ASH1L: variants seen among roughly 807,000 people sequenced by gnomAD.
The protein encoded by ASH1L is histone-lysine N-methyltransferase ASH1L.
A neutral mutation model predicts 269.0 loss-of-function variants in ASH1L; 23 were observed. The ratio of observed to expected loss-of-function variants is 0.09; its 90% CI spans 0.06 to 0.12. ASH1L has a LOEUF of 0.12. Ranked by LOEUF, ASH1L falls within the 10% of genes least tolerant of loss-of-function variation. The pLI, the probability that ASH1L is intolerant of heterozygous loss-of-function variation, is 1.00. For missense variants in ASH1L, 2,912 were observed against 3,567.8 expected, an observed-to-expected ratio of 0.82 and a Z score of 4.68; for synonymous variants, 1,187 against 1,253.5, an observed-to-expected ratio of 0.95 and a Z score of 1.12.
chr1:155,401,510 G>A (rs1241904112), intron 6 of ASH1L, among the ~76,000 whole-genome samples: 3 of 151,056 alleles, frequency 2.0e-5, no homozygotes, highest in East Asian at 1.9e-4. Context: ...GGTAGGGCAC[G>A]GTGGCTCACG....
rs139725591 is a variant in ASH1L, at chr1:155,413,605, C to T, written c.6008+2139G>A. On this transcript the variant is annotated intron_variant, in intron 6 of 27. Coordinates refer to ENST00000392403, the MANE Select transcript of ASH1L (RefSeq NM_018489.3). ...CTGGGCAACAAGAGTGAAACTCCAT[C>T]GCAACAAACAAACAAACCAGAAAAC... Among the ~76,000 whole-genome samples, 286 of 152,144 alleles carry T rather than the reference C, an allele frequency of 1.9e-3. 2 individuals are homozygous for T. The Middle Eastern group carries it at 0.031, about 16-fold the overall frequency.
At chr1:155,514,896 CCAA>C (rs1668396124) in intron 2 of ASH1L, among the ~76,000 whole-genome samples, 1 of 152,040 alleles carries the variant, frequency 6.6e-6, no homozygotes, top group Non-Finnish European at 1.5e-5. Flanking sequence ...ATTTTACACA[CCAA>C]CAAGGAAAAA....
chr1:155,510,818 T>A (rs1250424509), intron 2 of ASH1L, among the ~76,000 whole-genome samples: 3 of 152,144 alleles, frequency 2.0e-5, no homozygotes, highest in Non-Finnish European at 4.4e-5. Context: ...AATTAAGTCT[T>A]GTTTTTTAAC....
intron 6 of ASH1L, among the ~76,000 whole-genome samples, chr1:155,407,473 G>A (rs2148515491): frequency 6.6e-6 from 1 of 152,142 alleles, no homozygotes; most frequent in East Asian, 1.9e-4. Context: ...AACAATGTGT[G>A]GATAAATTTA....
intron 12 of ASH1L, among the ~76,000 whole-genome samples, chr1:155,365,073 C>T (rs1198663192): frequency 2.0e-5 from 3 of 152,124 alleles, no homozygotes; most frequent in Non-Finnish European, 4.4e-5. Flanking sequence ...ATCCAAGAAC[C>T]CTCCCTTGGA....
intron 7 of ASH1L, among the ~76,000 whole-genome samples, chr1:155,390,090 A>T (rs1447905397): frequency 6.6e-6 from 1 of 152,106 alleles, no homozygotes; most frequent in East Asian, 1.9e-4. Context: ...AGGAGGAAAC[A>T]TTCAACATTT....
chr1:155,437,428 TA>T (rs553015396), intron 5 of ASH1L, among the ~76,000 whole-genome samples: 22 of 149,924 alleles, frequency 1.5e-4, no homozygotes, highest in East Asian at 7.8e-4. Context: ...ATGGCTGCTA[TA>T]AAAAAAAAAT....
Position 155,380,077 on chromosome 1 carries a change from G to C in ASH1L, c.6143C>G (p.Pro2048Arg). The C allele has an allele frequency of 1.2e-6, 2 of 1,613,216 alleles. No individual in the cohort carries two copies. The highest frequency in any genetic ancestry group is 1.7e-6 in the Non-Finnish European group (2 of 1,179,406). Residue 2048 changes from proline to arginine, a missense_variant, in exon 8 of 28, where the codon CCT (proline) becomes CGT (arginine). By Grantham distance (103) the Pro-to-Arg change is moderately radical (BLOSUM62 -2). Around this residue, in one of 13 missense-constraint regions of ASH1L, gnomAD observed 193 missense variants for 311.6 expected, o/e 0.62. Transcript: ENST00000392403. ...LRQKRIDFQL[P>R]YDILWQWKHN... ...TTTCCACTGCCAAAGGATATCATAAGGAAGCTGGAAGTCAATTCTCTTTTG... is the reference window on the plus strand; with the variant it reads ...TTTCCACTGCCAAAGGATATCATAACGAAGCTGGAAGTCAATTCTCTTTTG...
chr1:155,400,224 C>T (rs7517139), intron 6 of ASH1L, among the ~76,000 whole-genome samples: 7,929 of 151,332 alleles, frequency 0.052, 699 homozygotes, highest in African/African-American at 0.18. Context: ...TCCCAGCTAC[C>T]TGGGAGGCTG....
intron 1 of ASH1L, among the ~76,000 whole-genome samples, chr1:155,553,279 T>G (rs1671339918): frequency 6.6e-6 from 1 of 152,248 alleles, no homozygotes; most frequent in Non-Finnish European, 1.5e-5. Context: ...CTGAGTGGGT[T>G]ACATTCTAGT....
chr1:155,547,138 A>C (rs1271622848), intron 1 of ASH1L, among the ~76,000 whole-genome samples: 1 of 151,152 alleles, frequency 6.6e-6, no homozygotes, highest in Non-Finnish European at 1.5e-5. Context: ...TTTTTAGTAG[A>C]GACAGGGTTT....
At chr1:155,433,045 C>A in intron 5 of ASH1L, 1 of 1,022,424 alleles carries the variant, frequency 9.8e-7, no homozygotes, top group South Asian at 1.8e-5. Flanking sequence ...AGGCAGAAAT[C>A]ATCCTCCTTG....
intron 6 of ASH1L, 111 bp downstream of exon 6, chr1:155,415,633 A>C: frequency 1.5e-6 from 2 of 1,293,630 alleles, no homozygotes; most frequent in Non-Finnish European, 2.2e-6. Context: ...GCAAAAACAC[A>C]ATCATCACGC....
chr1:155,370,829 C>T lies in ASH1L; in HGVS notation c.6487G>A (p.Gly2163Arg), dbSNP rs1195231703. ...CCTAGGTATTCAATGATGAACTGCCCAGCTTTTAGGGGCTCTTTGGTTCTG... is the reference window on the plus strand; with the variant it reads ...CCTAGGTATTCAATGATGAACTGCCTAGCTTTTAGGGGCTCTTTGGTTCTG... Reference protein sequence around the residue: ...GIRTKEPLKAGQFIIEYLGEV... With the variant: ...GIRTKEPLKARQFIIEYLGEV... Residue 2163 changes from glycine to arginine, a missense_variant, in exon 11 of 28, where the codon GGG becomes AGG. Physicochemically the swap from Gly to Arg is moderately radical, Grantham distance 125 (BLOSUM62 -2). This residue lies in a region of ASH1L where 193 missense variants were observed against 311.6 expected (regional missense o/e 0.62). Transcript: ENST00000392403. The T allele has an allele frequency of 6.2e-7, 1 of 1,613,986 alleles. No individual in the cohort carries two copies.
chr1:155,523,554 G>A lies in ASH1L; in HGVS notation c.-99-1936C>T, dbSNP rs144929205. On this transcript the variant is annotated intron_variant, in intron 1 of 27. Transcript: ENST00000392403. ...ATGTAAGTAAAATACCTCGCCCAAT[G>A]ACTGGCACATAGCGAGGGCTCAATA... Among the ~76,000 whole-genome samples the A allele has an allele frequency of 2.4e-3, 361 of 152,282 alleles. 2 individuals are homozygous for A. Among genetic ancestry groups the A allele is most frequent in the African/African-American group, 8.3e-3 (346 of 41,550 alleles).
At position 155,338,007 on chromosome 1, in the gene ASH1L, G is replaced by T. The variant is rs537483475; in HGVS notation, c.8803+82C>A. ...ATTTTCTTAGAATACTTTGGATGCT[G>T]AACCAGTAATTACAATTTTTTTCCA... On this transcript the variant is annotated intron_variant, in intron 27 of 27. Coordinates refer to ENST00000392403, the MANE Select transcript of ASH1L (RefSeq NM_018489.3). 20 of 1,391,110 alleles carry T rather than the reference G, an allele frequency of 1.4e-5. 1 individual carries two copies. In the South Asian group the frequency reaches 2.7e-4, roughly 19 times the overall value. 86.2% of individuals were successfully genotyped at this position (1,391,110 alleles called of 1,614,324 possible).
At chr1:155,551,659 CAAAAAAAA>C (rs936454643) in intron 1 of ASH1L, among the ~76,000 whole-genome samples, 2 of 49,220 alleles carry the variant, frequency 4.1e-5, no homozygotes, top group South Asian at 1.3e-3. Context: ...GACTCCGTCT[CAAAAAAAA>C]AAAAAAAAAA....
chr1:155,363,943 A>G (rs1655182985), intron 12 of ASH1L, among the ~76,000 whole-genome samples: 1 of 151,944 alleles, frequency 6.6e-6, no homozygotes. Flanking sequence ...ACTGCATTCC[A>G]GCCTGGGCGA....
intron 6 of ASH1L, among the ~76,000 whole-genome samples, chr1:155,408,995 A>C (rs146419356): frequency 6.6e-6 from 1 of 152,308 alleles, no homozygotes; most frequent in Non-Finnish European, 1.5e-5. Flanking sequence ...TCAGCTAAAA[A>C]TCAAGAAATA....
Sources: allele counts gnomAD v4.1 joint callset (sites outside exome capture counted in the v4.1 genomes callset), GRCh38; gene constraint gnomAD v4.1.1; regional missense constraint gnomAD v4.1.1; transcripts MANE v1.5; gene names NCBI Gene and HGNC (gene_info 2026-07-23, HGNC 2026-07-21).